The following KMT2A variants were observed in gnomAD, a reference collection of about 807,000 sequenced individuals.
The protein encoded by KMT2A is lysine methyltransferase 2A.
KMT2A carries 16 observed loss-of-function variants against 345.3 expected under a neutral mutation model. The ratio of observed to expected loss-of-function variants is 0.05; its 90% CI spans 0.03 to 0.07. The LOEUF is 0.07. KMT2A is among the 10% of genes least tolerant of loss of function. The pLI is 1.00. For missense variants in KMT2A, 3,272 were observed against 4,841.6 expected, an observed-to-expected ratio of 0.68 and a Z score of 9.62; for synonymous variants, 1,599 against 1,778.6, an observed-to-expected ratio of 0.90 and a Z score of 2.54.
Position 118,496,414 on chromosome 11 carries a change from G to T in KMT2A, c.5664+47G>T, listed in dbSNP as rs781843828. Reference sequence around the variant, plus strand: ...GCCCTAGTTAATACATACTCCAAAAGAACTGTTTGTCCTTGTGTCCATACT... The same window carrying T: ...GCCCTAGTTAATACATACTCCAAAATAACTGTTTGTCCTTGTGTCCATACT... On this transcript the variant is annotated intron_variant, in intron 20 of 35. Coordinates refer to ENST00000534358, the MANE Select transcript of KMT2A (RefSeq NM_001197104.2). This position sits in a 1 kb window ranked among gnomAD's most constrained non-coding sequence, Gnocchi z 4.7. The T allele has an allele frequency of 1.5e-6, 2 of 1,316,028 alleles. No individual in the cohort carries two copies. Among genetic ancestry groups the T allele is most frequent in the South Asian group, 1.2e-5 (1 of 84,572 alleles). The allele number at this position is 1,316,028 out of a possible 1,614,324, so 81.5% of individuals were successfully genotyped here.
At chr11:118,479,257 A>G (rs1950091520) in intron 5 of KMT2A, among the ~76,000 whole-genome samples, 1 of 152,168 alleles carries the variant, frequency 6.6e-6, no homozygotes, top group African/African-American at 2.4e-5. Flanking sequence ...TTATGTGGAA[A>G]TTTTTATTAC....
At chr11:118,516,120 C>G (rs1950808459) in intron 31 of KMT2A, among the ~76,000 whole-genome samples, 1 of 152,154 alleles carries the variant, frequency 6.6e-6, no homozygotes, top group Non-Finnish European at 1.5e-5. Flanking sequence ...GTCCATTATA[C>G]TCCATTTCCA....
intron 31 of KMT2A, among the ~76,000 whole-genome samples, chr11:118,517,264 CG>C (rs1950836386): frequency 6.6e-6 from 1 of 151,558 alleles, no homozygotes; most frequent in Admixed American, 6.6e-5. Flanking sequence ...GGCGTGGTGG[CG>C]GGCGCCTGTA....
At position 118,491,278 on chromosome 11, in the gene KMT2A, C is replaced by T; in HGVS notation, c.4779C>T (p.Arg1593=). Residue 1593 remains arginine (R), a synonymous_variant, in exon 14 of 36, where the codon CGC becomes CGT. Transcript: ENST00000534358. The surrounding 1 kb of genome is among the most constrained non-coding windows in gnomAD (Gnocchi z 4.2). The stretch of plus-strand genomic sequence containing the variant: ...TGATGCAATGTGGAAAGTGTGATCG[C>T]TGGGTCCATTCCAAATGTGAGAATC... ...SKMMQCGKCD[R]WVHSKCENLS... The T allele has an allele frequency of 6.2e-7, 1 of 1,613,938 alleles. No homozygotes were observed. Among genetic ancestry groups the T allele is most frequent in the Non-Finnish European group, 8.5e-7 (1 of 1,179,868 alleles).
rs200178227 is a variant in KMT2A at position 118,495,912 on chromosome 11, A to G, written c.5557+19A>G. On this transcript the variant is annotated intron_variant, in intron 19 of 35. Coordinates refer to ENST00000534358, the MANE Select transcript of KMT2A (RefSeq NM_001197104.2). This position sits in a 1 kb window ranked among gnomAD's most constrained non-coding sequence, Gnocchi z 4.1. ...ATTTTGAGTAAGCCACCAAAAGGAG[A>G]GTCGTCACCCATTTCCCTCTAGATG... The G allele has an allele frequency of 4.3e-5, 68 of 1,577,652 alleles. No homozygotes were observed. In the Middle Eastern group the frequency reaches 5.4e-4, roughly 12 times the overall value.
In KMT2A at chr11:118,522,142, C is replaced by G; in HGVS notation, c.11889C>G (p.Gly3963=). 1 of 1,614,116 alleles carries G rather than the reference C, an allele frequency of 6.2e-7. No homozygotes were observed. The highest frequency in any genetic ancestry group is 8.5e-7 in the Non-Finnish European group (1 of 1,179,964). The stretch of plus-strand genomic sequence containing the variant: ...GCAACAAGCTGCCCTGCAACTGTGG[C>G]GCCAAGAAATGCCGGAAGTTCCTAA... ...DASNKLPCNC[G]AKKCRKFLN The change falls in exon 36 of 36, where the codon GGC becomes GGG. Residue 3963 remains glycine, a synonymous_variant. Coordinates refer to ENST00000534358, the MANE Select transcript of KMT2A (RefSeq NM_001197104.2). This position sits in a 1 kb window ranked among gnomAD's most constrained non-coding sequence, Gnocchi z 5.4.
chr11:118,502,912 C>A lies in KMT2A; in HGVS notation c.7020C>A (p.Asn2340Lys). 1.2e-6 allele frequency: 2 copies of A among 1,614,182 alleles called. No homozygotes were observed. The highest frequency in any genetic ancestry group is 8.5e-7 in the Non-Finnish European group (1 of 1,180,020). Residue 2340 changes from asparagine (N) to lysine (K), a missense_variant, in exon 27 of 36, where the codon AAC becomes AAA. This residue lies in a region of KMT2A where 445 missense variants were observed against 500.9 expected (regional missense o/e 0.89). Transcript: ENST00000534358. The surrounding 1 kb of genome is among the most constrained non-coding windows in gnomAD (Gnocchi z 4.9). ...CTAAACTGGCCCCACAGGTTCATAACACAACATCTAGAGAACTGAATGTTA... is the reference window on the plus strand; with the variant it reads ...CTAAACTGGCCCCACAGGTTCATAAAACAACATCTAGAGAACTGAATGTTA... Reference protein sequence around the residue: ...GIPKLAPQVHNTTSRELNVSK... With the variant: ...GIPKLAPQVHKTTSRELNVSK...
chr11:118,517,395 CAAAA>C (rs11436622), intron 31 of KMT2A, among the ~76,000 whole-genome samples: 3 of 113,910 alleles, frequency 2.6e-5, no homozygotes, highest in Non-Finnish European at 3.4e-5. Flanking sequence ...GACTCTGTCT[CAAAA>C]AAAAAAAAAA....
At chr11:118,455,163 T>C (rs1949617553) in intron 1 of KMT2A, among the ~76,000 whole-genome samples, 1 of 152,184 alleles carries the variant, frequency 6.6e-6, no homozygotes, top group Non-Finnish European at 1.5e-5. Flanking sequence ...GTAGCTAGGA[T>C]TACAGGCGAG....
chr11:118,520,592 A>G lies in KMT2A; in HGVS notation c.11430-210A>G, dbSNP rs1555053203. The G allele has an allele frequency of 7.3e-6, 4 of 549,258 alleles. No individual in the cohort carries two copies. The highest frequency in any genetic ancestry group is 1.3e-5 in the Non-Finnish European group (4 of 303,530). The allele number at this position is 549,258 out of a possible 1,614,324, so 34.0% of individuals were successfully genotyped here. A position where few individuals can be genotyped will look rare whatever the true frequency, so the allele number is the denominator to read the frequency against. ...CTTGAACCCAGGAGGCGGAGGTTAC[A>G]GTGAGCCGAGATCGCACCACTGGAC... On this transcript the variant is annotated intron_variant, in intron 33 of 35. Transcript: ENST00000534358. This position sits in a 1 kb window ranked among gnomAD's most constrained non-coding sequence, Gnocchi z 4.3.
Position 118,484,272 on chromosome 11 carries a change from A to C in KMT2A, c.4176A>C (p.Lys1392Asn). 1 of 1,614,188 alleles carries C rather than the reference A, an allele frequency of 6.2e-7. No individual in the cohort carries two copies. The highest frequency in any genetic ancestry group is 8.5e-7 in the Non-Finnish European group (1 of 1,180,022). The change falls in exon 9 of 36, where the codon AAA (lysine) becomes AAC (asparagine). Residue 1392 changes from lysine (K) to asparagine (N), a missense_variant. Physicochemically the swap from Lys to Asn is moderately conservative, Grantham distance 94. Transcript: ENST00000534358. This position sits in a 1 kb window ranked among gnomAD's most constrained non-coding sequence, Gnocchi z 4.1. ...TLSNGNSSKQ[K>N]IPADGVHRIR... is the part of the protein sequence containing the mutation. Reference sequence around the variant, plus strand: ...CCAATGGCAATAGTTCTAAGCAAAAAATTCCAGCAGATGGAGTCCACAGGA... The same window carrying C: ...CCAATGGCAATAGTTCTAAGCAAAACATTCCAGCAGATGGAGTCCACAGGA...
rs186489777 is a variant in KMT2A at position 118,504,346 on chromosome 11, C to T, written c.8454C>T (p.Pro2818=). 13 of 1,614,070 alleles carry T rather than the reference C, an allele frequency of 8.1e-6. No homozygotes were observed. Among genetic ancestry groups the T allele is most frequent in the Non-Finnish European group, 1.1e-5 (13 of 1,180,040 alleles). The change falls in exon 27 of 36, where the codon CCC becomes CCT. Residue 2818 remains proline, a synonymous_variant. Transcript: ENST00000534358. The surrounding 1 kb of genome is among the most constrained non-coding windows in gnomAD (Gnocchi z 6.4). ...GCCGCAGAGTCCACACAAGTACCCC[C>T]TCCGACAAAAATTTACTGGACACCT... The part of the protein sequence containing the change: ...ESSRRVHTST[P]SDKNLLDTYN...
rs1297746655 is a variant in KMT2A at position 118,472,653 on chromosome 11, A to G, written c.1494A>G (p.Val498=). 6.2e-6 allele frequency: 10 copies of G among 1,612,902 alleles called. No individual in the cohort carries two copies. Among genetic ancestry groups the G allele is most frequent in the Non-Finnish European group, 8.5e-6 (10 of 1,179,808 alleles). The part of the protein sequence containing the change: ...TDSQASEEIQ[V]LPEERSDTPE... ...CTCAGGCTTCTGAGGAGATTCAGGT[A>G]CTTCCTGAGGAGCGGAGCGATACCC... Residue 498 remains valine (V), a synonymous_variant, in exon 3 of 36, where the codon GTA becomes GTG. Coordinates refer to ENST00000534358, the MANE Select transcript of KMT2A (RefSeq NM_001197104.2).
Position 118,481,725 on chromosome 11 carries a change from G to GA in KMT2A, c.3648dup (p.Glu1217ArgfsTer5). ...GTGTTTTTCCCTCAGCTGTGAAAAA[G>GA]AAAGAGAAAAAGTCTAAGACCAGTG... On this transcript the variant is annotated frameshift_variant, in exon 7 of 36. Coordinates refer to ENST00000534358, the MANE Select transcript of KMT2A (RefSeq NM_001197104.2). LOFTEE classifies it high-confidence loss of function. The GA allele has an allele frequency of 6.2e-7, 1 of 1,607,448 alleles. No individual in the cohort carries two copies. Among genetic ancestry groups the GA allele is most frequent in the Non-Finnish European group, 8.5e-7 (1 of 1,177,620 alleles).
chr11:118,456,115 T>C (rs564442168), intron 1 of KMT2A, among the ~76,000 whole-genome samples: 1 of 152,192 alleles, frequency 6.6e-6, no homozygotes, highest in South Asian at 2.1e-4. Flanking sequence ...GGATTATAGA[T>C]GTGAGCCACT....
In KMT2A at chr11:118,521,927, G is replaced by T; in HGVS notation, c.11674G>T (p.Asp3892Tyr). The T allele has an allele frequency of 6.2e-7, 1 of 1,614,048 alleles. No homozygotes were observed. The highest frequency in any genetic ancestry group is 1.1e-5 in the South Asian group (1 of 91,068). The change falls in exon 36 of 36, where the codon GAC becomes TAC. Residue 3892 changes from aspartate to tyrosine, a missense_variant. Coordinates refer to ENST00000534358, the MANE Select transcript of KMT2A (RefSeq NM_001197104.2). The surrounding 1 kb of genome is among the most constrained non-coding windows in gnomAD (Gnocchi z 5.3). ...TGGTTGCTATATGTTCCGAATTGAT[G>T]ACTCAGAGGTAGTGGATGCCACCAT... ...GIGCYMFRIDDSEVVDATMHG... is the reference protein window; with the variant it reads ...GIGCYMFRIDYSEVVDATMHG...
intron 2 of KMT2A, among the ~76,000 whole-genome samples, chr11:118,471,411 G>A (rs1949940042): frequency 6.6e-6 from 1 of 152,120 alleles, no homozygotes; most frequent in African/African-American, 2.4e-5. Flanking sequence ...TTGTTCAACT[G>A]AAAACTTTTT....
Position 118,474,132 on chromosome 11 carries a change from T to C in KMT2A, c.2973T>C (p.Leu991=), listed in dbSNP as rs9332774. The C allele has an allele frequency of 1.2e-6, 2 of 1,614,178 alleles. No individual in the cohort carries two copies. The highest frequency in any genetic ancestry group is 1.7e-6 in the Non-Finnish European group (2 of 1,180,028). ...PSLEKEKTLC[L]STPSSSTVKH... is the part of the protein sequence containing the mutation. ...TGGAGAAGGAGAAAACCCTCTGCCT[T>C]TCCACTCCTTCATCTAGCACTGTTA... The change falls in exon 3 of 36, where the codon CTT becomes CTC. Residue 991 remains leucine (L), a synonymous_variant. Transcript: ENST00000534358.
In KMT2A at chr11:118,478,216, C is replaced by T; in HGVS notation, c.3569+15C>T. Reference sequence around the variant, plus strand: ...CAGTGCTGCAAGTAAGTGGGTGTTTCACTCTGAGATGTTGACCTCTCAACC... The same window carrying T: ...CAGTGCTGCAAGTAAGTGGGTGTTTTACTCTGAGATGTTGACCTCTCAACC... On this transcript the variant is annotated intron_variant, in intron 5 of 35. Coordinates refer to ENST00000534358, the MANE Select transcript of KMT2A (RefSeq NM_001197104.2). The T allele has an allele frequency of 1.3e-6, 2 of 1,590,258 alleles. No homozygotes were observed. Among genetic ancestry groups the T allele is most frequent in the Non-Finnish European group, 1.7e-6 (2 of 1,159,756 alleles).
Sources: allele counts gnomAD v4.1 joint callset (sites outside exome capture counted in the v4.1 genomes callset), GRCh38; gene constraint gnomAD v4.1.1; regional missense constraint gnomAD v4.1.1; non-coding constraint Gnocchi (gnomAD v3.1); transcripts MANE v1.5; gene names NCBI Gene and HGNC (gene_info 2026-07-23, HGNC 2026-07-21).